Variants in PLXDC2 observed in about 807,000 individuals in gnomAD.
PLXDC2 encodes the protein plexin domain-containing protein 2.
PLXDC2 carries 40 observed loss-of-function variants against 68.9 expected under a neutral mutation model. That is an observed-to-expected ratio of 0.58 (90% confidence interval 0.45 to 0.76). The LOEUF is 0.76. Among genes scored for constraint, PLXDC2 ranks in the 30% least tolerant of loss-of-function variants. PLXDC2 has a pLI of 0.00. For missense variants in PLXDC2, 644 were observed against 661.9 expected, an observed-to-expected ratio of 0.97 and a Z score of 0.30; for synonymous variants, 243 against 234.2, an observed-to-expected ratio of 1.04 and a Z score of -0.34.
intron 1 of PLXDC2, among the ~76,000 whole-genome samples, chr10:19,828,918 C>A (rs868546730): frequency 2.6e-5 from 4 of 152,078 alleles, no homozygotes; most frequent in South Asian, 2.1e-4. Flanking sequence ...CTGCTGGAAC[C>A]CATTCTTCAT....
At chr10:20,251,161 C>G (rs1487398641) in intron 13 of PLXDC2, among the ~76,000 whole-genome samples, 1 of 152,020 alleles carries the variant, frequency 6.6e-6, no homozygotes, top group Non-Finnish European at 1.5e-5. Context: ...TTTTTATTAA[C>G]TTATCTTCTA....
chr10:20,172,744 T>G (rs1834466103), intron 7 of PLXDC2, among the ~76,000 whole-genome samples: 1 of 152,168 alleles, frequency 6.6e-6, no homozygotes, highest in African/African-American at 2.4e-5. Context: ...TAGGTCCTAT[T>G]TTTTATTTCC....
At chr10:19,936,053 A>G (rs548016196) in intron 1 of PLXDC2, among the ~76,000 whole-genome samples, 81 of 152,332 alleles carry the variant, frequency 5.3e-4, no homozygotes, top group African/African-American at 1.8e-3. Context: ...AAATGTATAA[A>G]TTTGCTCATG....
chr10:19,917,044 G>C (rs565876230), intron 1 of PLXDC2, among the ~76,000 whole-genome samples: 2 of 152,282 alleles, frequency 1.3e-5, no homozygotes, highest in East Asian at 3.9e-4. Context: ...TGTGGCTTTT[G>C]ACTGATTTTC....
intron 9 of PLXDC2, among the ~76,000 whole-genome samples, chr10:20,193,839 T>G (rs1407220127): frequency 6.6e-6 from 1 of 152,100 alleles, no homozygotes; most frequent in Non-Finnish European, 1.5e-5. Context: ...ACACATGAGC[T>G]GCATAACAGT....
At chr10:20,121,393 G>A (rs1833695048) in intron 4 of PLXDC2, among the ~76,000 whole-genome samples, 1 of 152,176 alleles carries the variant, frequency 6.6e-6, no homozygotes, top group South Asian at 2.1e-4. Context: ...TTTTGTAAGG[G>A]ATTGAGGTTT....
At chr10:20,101,235 A>G (rs1180767078) in intron 4 of PLXDC2, among the ~76,000 whole-genome samples, 1 of 152,274 alleles carries the variant, frequency 6.6e-6, no homozygotes, top group East Asian at 1.9e-4. Context: ...AAGTAGGCGG[A>G]TGGCTCTCAT....
chr10:19,871,745 G>T (rs948566648), intron 1 of PLXDC2, among the ~76,000 whole-genome samples: 1 of 151,960 alleles, frequency 6.6e-6, no homozygotes, highest in South Asian at 2.1e-4. Context: ...AATCCGCCTG[G>T]TGTGGTGGTG....
intron 4 of PLXDC2, among the ~76,000 whole-genome samples, chr10:20,117,250 A>C (rs2131754976): frequency 6.6e-6 from 1 of 152,340 alleles, no homozygotes; most frequent in South Asian, 2.1e-4. Flanking sequence ...GTCATAAAAA[A>C]TTAAAAGATT....
intron 1 of PLXDC2, among the ~76,000 whole-genome samples, chr10:19,955,149 C>A (rs1834047918): frequency 7.5e-6 from 1 of 133,928 alleles, no homozygotes; most frequent in Non-Finnish European, 1.5e-5. Context: ...GCTCAGTCTT[C>A]TGAGTAGCTG....
intron 2 of PLXDC2, among the ~76,000 whole-genome samples, chr10:20,045,235 G>A (rs1002560161): frequency 2.0e-5 from 3 of 151,978 alleles, no homozygotes; most frequent in Non-Finnish European, 4.4e-5. Context: ...GCAGTGGTAC[G>A]ATCTTGGCTC....
chr10:20,004,438 C>T lies in PLXDC2; in HGVS notation c.324+2452C>T, dbSNP rs1834992479. ...ACTTGGGGTAGGCAACATAATTCTT[C>T]CCTGAGCCACTCTTTAGCTGGGGTG... On this transcript the variant is annotated intron_variant, in intron 2 of 13. Coordinates refer to ENST00000377252, the MANE Select transcript of PLXDC2 (RefSeq NM_032812.9). Among the ~76,000 whole-genome samples, 3 of 152,116 alleles carry T rather than the reference C, an allele frequency of 2.0e-5. No homozygotes were observed. The South Asian group carries it at 6.2e-4, about 32-fold the overall frequency.
intron 1 of PLXDC2, among the ~76,000 whole-genome samples, chr10:19,877,841 T>A (rs1485536172): frequency 1.3e-5 from 2 of 152,252 alleles, no homozygotes; most frequent in African/African-American, 4.8e-5. Context: ...AAAGCTTTAA[T>A]GAGTTTTCCT....
intron 9 of PLXDC2, among the ~76,000 whole-genome samples, chr10:20,192,156 T>C (rs549225434): frequency 6.6e-6 from 1 of 152,004 alleles, no homozygotes; most frequent in South Asian, 2.1e-4. Context: ...TAAATTTTTT[T>C]AGGCTGCATG....
At chr10:19,904,012 G>T (rs2131369434) in intron 1 of PLXDC2, among the ~76,000 whole-genome samples, 1 of 152,132 alleles carries the variant, frequency 6.6e-6, no homozygotes, top group African/African-American at 2.4e-5. Flanking sequence ...TTTTGGAGAT[G>T]ATTTCCAATT....
chr10:19,853,267 T>A (rs577156502), intron 1 of PLXDC2, among the ~76,000 whole-genome samples: 25 of 152,336 alleles, frequency 1.6e-4, no homozygotes, highest in African/African-American at 6.0e-4. Flanking sequence ...TATTCTTATA[T>A]TGCTTATTGA....
chr10:19,872,529 G>GCTTA (rs1189797282), intron 1 of PLXDC2, among the ~76,000 whole-genome samples: 2 of 152,232 alleles, frequency 1.3e-5, no homozygotes, highest in Non-Finnish European at 2.9e-5. Flanking sequence ...ACCCTTAAGT[G>GCTTA]CTTAGTAAAG....
At chr10:20,107,445 G>A (rs1283473212) in intron 4 of PLXDC2, among the ~76,000 whole-genome samples, 1 of 152,142 alleles carries the variant, frequency 6.6e-6, no homozygotes, top group Non-Finnish European at 1.5e-5. Context: ...GAAAATTGGA[G>A]AATTGAAATA....
chr10:20,121,485 TG>T (rs1833696925), intron 4 of PLXDC2, among the ~76,000 whole-genome samples: 1 of 152,128 alleles, frequency 6.6e-6, no homozygotes, highest in African/African-American at 2.4e-5. Flanking sequence ...CAGATGAGGA[TG>T]AAATTTGGGC....
Sources: gnomAD v4.1 joint callset for allele counts (sites outside exome capture counted in the v4.1 genomes callset) on GRCh38, gnomAD v4.1.1 for gene constraint, MANE v1.5 for transcripts, NCBI Gene and HGNC (gene_info 2026-07-23, HGNC 2026-07-21) for gene names.